Variants in MMEL1 observed in about 807,000 individuals in gnomAD.
The protein encoded by MMEL1 is membrane metalloendopeptidase like 1, also known as membrane metallo-endopeptidase-like 1.
A neutral mutation model predicts 117.1 loss-of-function variants in MMEL1; 98 were observed. That is an observed-to-expected ratio of 0.84 (90% confidence interval 0.71 to 0.99). The LOEUF (loss-of-function observed/expected upper bound fraction) is 0.99, where lower values mean the gene tolerates loss of function less well. MMEL1 is among the 50% of genes least tolerant of loss of function. The pLI is 0.00. For missense variants in MMEL1, 1,014 were observed against 1,049.1 expected (o/e 0.97, Z 0.46); for synonymous variants, 390 against 415.1 (o/e 0.94, Z 0.74).
intron 14 of MMEL1, 133 bp from the exon 15 acceptor site, chr1:2,596,240 G>C: frequency 1.2e-6 from 1 of 814,746 alleles, no homozygotes; most frequent in Non-Finnish European, 2.0e-6. Context: ...GGGCCTCTCA[G>C]GTGAGGTGTG....
At chr1:2,613,787 G>A (rs1645164423) in intron 2 of MMEL1, among the ~76,000 whole-genome samples, 1 of 151,994 alleles carries the variant, frequency 6.6e-6, no homozygotes, top group Non-Finnish European at 1.5e-5. Flanking sequence ...GGAGGTTGAG[G>A]CTGCAGTGAG....
chr1:2,605,974 C>T lies in MMEL1; in HGVS notation c.750+274G>A, dbSNP rs74047742. Among the ~76,000 whole-genome samples the T allele has an allele frequency of 6.4e-3, 976 of 152,324 alleles. 18 individuals carry two copies. Among genetic ancestry groups the T allele is most frequent in the African/African-American group, 0.022 (918 of 41,570 alleles). ...CAGTGGATCCCTGAGGTCAGGCCTC[C>T]TGCCCCGGTTCCAGCCCCGCTGTTC... is the stretch of plus-strand genomic sequence containing the variant. On this transcript the variant is annotated intron_variant, in intron 8 of 23. Transcript: ENST00000378412.
In MMEL1 at chr1:2,626,338, T is replaced by A. The variant is rs1638278479; in HGVS notation, c.154+2993A>T. On this transcript the variant is annotated intron_variant, in intron 2 of 23. Transcript: ENST00000378412. ...TAATGCCTCCTCATGATCTAAACTG[T>A]ACGATAAAGAGAGAAGGGTTCACAG... 2.6e-5 allele frequency among the ~76,000 whole-genome samples: 4 copies of A among 152,292 alleles called. No individual in the cohort carries two copies. In the South Asian group the frequency reaches 6.2e-4, roughly 24 times the overall value.
chr1:2,630,733 G>T (rs1638525175), intron 1 of MMEL1, among the ~76,000 whole-genome samples: 1 of 149,442 alleles, frequency 6.7e-6, no homozygotes, highest in Non-Finnish European at 1.5e-5. Flanking sequence ...TTGTGCACGT[G>T]TGCGTGTGCT....
chr1:2,626,019 T>C (rs1002189449), intron 2 of MMEL1, among the ~76,000 whole-genome samples: 14 of 152,144 alleles, frequency 9.2e-5, no homozygotes, highest in African/African-American at 2.4e-4. Context: ...TGCAGCACTA[T>C]AGCCCCTTTC....
At chr1:2,605,881 G>A (rs1479927741) in intron 8 of MMEL1, among the ~76,000 whole-genome samples, 1 of 152,142 alleles carries the variant, frequency 6.6e-6, no homozygotes, top group African/African-American at 2.4e-5. Context: ...CGCAGCACCC[G>A]CGGCTCCCCC....
intron 3 of MMEL1, among the ~76,000 whole-genome samples, chr1:2,611,628 T>G (rs1426296684): frequency 6.6e-6 from 1 of 152,170 alleles, no homozygotes; most frequent in Non-Finnish European, 1.5e-5. Flanking sequence ...GGCCCAGGCC[T>G]GAGGCCTTCA....
chr1:2,630,785 C>A (rs1353225652), intron 1 of MMEL1, among the ~76,000 whole-genome samples: 2 of 125,032 alleles, frequency 1.6e-5, no homozygotes, highest in East Asian at 4.8e-4. Flanking sequence ...CACGTGTGTG[C>A]CTGAGTGTGC....
At chr1:2,594,041 G>C in intron 18 of MMEL1, 108 bp from the exon 19 acceptor site, 6 of 1,361,994 alleles carry the variant, frequency 4.4e-6, no homozygotes, top group Admixed American at 2.7e-5. Context: ...CCCACAGACC[G>C]GGAGGCAGAG....
intron 18 of MMEL1, 195 bp downstream of exon 18, chr1:2,594,190 C>A: frequency 1.3e-6 from 1 of 789,030 alleles, no homozygotes; most frequent in Non-Finnish European, 2.0e-6. Flanking sequence ...GGGCCGCCTG[C>A]CAAGTCCCTC....
rs367611613 is a variant in MMEL1 at position 2,598,803 on chromosome 1, G to A, written c.1042-13C>T. Reference sequence around the variant, plus strand: ...TCCAGTTAAATCCCTGCAGATAGAGGAAGTGGGGAGAAAGAGGGAGAGAGA... The same window carrying A: ...TCCAGTTAAATCCCTGCAGATAGAGAAAGTGGGGAGAAAGAGGGAGAGAGA... On this transcript the variant is annotated splice_polypyrimidine_tract_variant and intron_variant, in intron 11 of 23. Transcript: ENST00000378412. The A allele has an allele frequency of 5.6e-6, 9 of 1,602,778 alleles. No homozygotes were observed. In the African/African-American group the frequency reaches 6.7e-5, roughly 12 times the overall value.
rs1645022505 is a variant in MMEL1, at chr1:2,606,140, A to C, written c.750+108T>G. On this transcript the variant is annotated intron_variant, in intron 8 of 23. Coordinates refer to ENST00000378412, the MANE Select transcript of MMEL1 (RefSeq NM_033467.4). ...AGGAGCCAGGAGCCCAGGTCCCAGGAGACCCCGGAGCTCCCTGTCGGCCTG... is the reference window on the plus strand; with the variant it reads ...AGGAGCCAGGAGCCCAGGTCCCAGGCGACCCCGGAGCTCCCTGTCGGCCTG... 4.8e-6 allele frequency: 4 copies of C among 835,870 alleles called. No homozygotes were observed. The South Asian group carries it at 5.8e-5, about 12-fold the overall frequency. The allele number at this position is 835,870 out of a possible 1,614,324, so 51.8% of individuals were successfully genotyped here.
chr1:2,626,110 T>C (rs567449787), intron 2 of MMEL1, among the ~76,000 whole-genome samples: 1 of 152,276 alleles, frequency 6.6e-6, no homozygotes, highest in African/African-American at 2.4e-5. Context: ...GTTGTGCACT[T>C]TGCTTGGAAG....
chr1:2,617,745 GTTC>G (rs1243268253), intron 2 of MMEL1, among the ~76,000 whole-genome samples: 5 of 152,156 alleles, frequency 3.3e-5, no homozygotes, highest in African/African-American at 4.8e-5. Flanking sequence ...CGACAGCTCT[GTTC>G]TTCTAAGAGA....
chr1:2,596,507 C>T (rs748372222), intron 14 of MMEL1, 54 bp downstream of exon 14: 70 of 1,586,014 alleles, frequency 4.4e-5, no homozygotes, highest in African/African-American at 6.7e-5. Flanking sequence ...CAGGGAGGCT[C>T]GGTGTCCCTG....
intron 6 of MMEL1, among the ~76,000 whole-genome samples, chr1:2,609,058 C>T (rs1645082540): frequency 6.6e-6 from 1 of 151,800 alleles, no homozygotes; most frequent in East Asian, 1.9e-4. Flanking sequence ...CACACACACA[C>T]ACACACACAC....
chr1:2,605,686 C>A, intron 8 of MMEL1, 63 bp from the exon 9 acceptor site: 1 of 1,290,810 alleles, frequency 7.7e-7, no homozygotes, highest in Admixed American at 1.9e-5. Flanking sequence ...CTGGCTGAGG[C>A]AGGCTGCAGC....
At chr1:2,597,273 C>T (rs536677902) in intron 13 of MMEL1, among the ~76,000 whole-genome samples, 3 of 152,150 alleles carry the variant, frequency 2.0e-5, no homozygotes, top group African/African-American at 7.2e-5. Context: ...TTTCTTCCTC[C>T]CCAAAGCTCC....
At chr1:2,594,727 T>TGCAC in intron 17 of MMEL1, 63 bp downstream of exon 17, 1 of 1,414,012 alleles carries the variant, frequency 7.1e-7, no homozygotes, top group East Asian at 2.3e-5. Context: ...CAGGCAGCCC[T>TGCAC]GCACGCCTTA....
Sources: allele counts gnomAD v4.1 joint callset (sites outside exome capture counted in the v4.1 genomes callset), GRCh38; gene constraint gnomAD v4.1.1; transcripts MANE v1.5; gene names NCBI Gene and HGNC (gene_info 2026-07-23, HGNC 2026-07-21).